The following ANO3 variants were observed in gnomAD, a reference collection of about 807,000 sequenced individuals.
ANO3 encodes anoctamin-3.
Under a neutral mutation model 144.8 loss-of-function variants are expected in ANO3, and 99 were observed. The observed-to-expected ratio is 0.68, with a 90% CI of 0.58 to 0.81. The LOEUF is 0.81. ANO3 is among the 30% of genes least tolerant of loss of function. The probability of loss-of-function intolerance (pLI) is 0.00; values close to 1 mark genes in which losing one functional copy is unlikely to be tolerated. For missense variants in ANO3, 905 were observed against 1,202.2 expected (o/e 0.75, Z 3.66); for synonymous variants, 414 against 392.6 (o/e 1.05, Z -0.64).
chr11:26,358,461 C>T (rs1434682579), intron 1 of ANO3, among the ~76,000 whole-genome samples: 2 of 152,104 alleles, frequency 1.3e-5, no homozygotes, highest in African/African-American at 2.4e-5. Context: ...TAAGCCACCG[C>T]GCCCGGCCAC....
At chr11:26,328,447 A>C (rs767539985), upstream of ANO3, among the ~76,000 whole-genome samples, 1 of 152,182 alleles carries the variant, frequency 6.6e-6, no homozygotes, top group Non-Finnish European at 1.5e-5. Context: ...ATTTTAATTA[A>C]GGCAGTGATT....
chr11:26,567,080 T>C (rs1850618448), intron 14 of ANO3: 5 of 1,502,526 alleles, frequency 3.3e-6, no homozygotes, highest in East Asian at 5.0e-5. Flanking sequence ...CAAGAATAGA[T>C]TGTATTATGC....
intron 1 of ANO3, among the ~76,000 whole-genome samples, chr11:26,289,994 C>G (rs1853918284): frequency 6.6e-6 from 1 of 151,866 alleles, no homozygotes; most frequent in African/African-American, 2.4e-5. Context: ...GGTATCAGCT[C>G]CTGTTTGTAC....
chr11:26,446,091 C>T (rs1264173034), intron 3 of ANO3, among the ~76,000 whole-genome samples: 1 of 152,082 alleles, frequency 6.6e-6, no homozygotes, highest in Non-Finnish European at 1.5e-5. Context: ...CTTGGCCTAC[C>T]AAAGTGCTGG....
At chr11:26,572,857 T>C (rs1850880648) in intron 14 of ANO3, among the ~76,000 whole-genome samples, 1 of 152,138 alleles carries the variant, frequency 6.6e-6, no homozygotes, top group South Asian at 2.1e-4. Context: ...TCCTCACTTA[T>C]CCTAGGAGCC....
intron 14 of ANO3, among the ~76,000 whole-genome samples, chr11:26,567,833 G>A (rs937782343): frequency 6.6e-6 from 1 of 151,908 alleles, no homozygotes; most frequent in African/African-American, 2.4e-5. Context: ...AAATTGACAG[G>A]CTAGAGCTGT....
intron 1 of ANO3, among the ~76,000 whole-genome samples, chr11:26,426,088 A>C (rs1318600558): frequency 6.6e-6 from 1 of 152,182 alleles, no homozygotes; most frequent in African/African-American, 2.4e-5. Flanking sequence ...TATAATACAT[A>C]GTATATAAAA....
At chr11:26,598,468 GA>G in intron 15 of ANO3, 21 bp downstream of exon 15, 1 of 1,510,712 alleles carries the variant, frequency 6.6e-7, no homozygotes, top group Admixed American at 2.0e-5. Context: ...AGGATACAAG[GA>G]AATAGGGAAA....
chr11:26,459,369 G>T (rs1437790046), intron 3 of ANO3, among the ~76,000 whole-genome samples: 1 of 152,050 alleles, frequency 6.6e-6, no homozygotes, highest in African/African-American at 2.4e-5. Flanking sequence ...AGATCATTTT[G>T]GAGAATCGAA....
Position 26,241,597 on chromosome 11 carries a change from A to G in ANO3, c.154+52267A>G, listed in dbSNP as rs149110694. 2.4e-3 allele frequency among the ~76,000 whole-genome samples: 363 copies of G among 152,330 alleles called. 3 individuals carry two copies. The highest frequency in any genetic ancestry group is 8.3e-3 in the African/African-American group (345 of 41,580). ...TTACTGTTTAGTAAGAAAGATATAG[A>G]CTAATAACTTCAGTACAGAATAAAA... On this transcript the variant is annotated intron_variant, in intron 1 of 27. Transcript: ENST00000672621.
At chr11:26,556,643 A>G (rs958849044) in intron 13 of ANO3, among the ~76,000 whole-genome samples, 1 of 152,176 alleles carries the variant, frequency 6.6e-6, no homozygotes, top group Non-Finnish European at 1.5e-5. Flanking sequence ...CAAATTTTTT[A>G]AAAGATACGT....
chr11:26,456,823 C>G, intron 3 of ANO3, among the ~76,000 whole-genome samples: 1 of 131,746 alleles, frequency 7.6e-6, no homozygotes, highest in Non-Finnish European at 1.6e-5. Context: ...TTGGAACCAA[C>G]CCAAATGTCC....
chr11:26,284,591 T>G (rs1853756891), intron 1 of ANO3, among the ~76,000 whole-genome samples: 1 of 152,112 alleles, frequency 6.6e-6, no homozygotes, highest in Admixed American at 6.5e-5. Flanking sequence ...TTTCTTGGAT[T>G]TATTGCTTTA....
At chr11:26,242,188 C>T (rs1852677556) in intron 1 of ANO3, among the ~76,000 whole-genome samples, 1 of 152,152 alleles carries the variant, frequency 6.6e-6, no homozygotes, top group African/African-American at 2.4e-5. Context: ...GCATTTAAAG[C>T]CCAATATTAT....
intron 1 of ANO3, among the ~76,000 whole-genome samples, chr11:26,266,496 C>T (rs1271862507): frequency 6.7e-6 from 1 of 148,618 alleles, no homozygotes; most frequent in East Asian, 2.0e-4. Flanking sequence ...TGCAGTGGCG[C>T]AATCTCGGCT....
At chr11:26,479,683 G>A (rs1045045178) in intron 4 of ANO3, among the ~76,000 whole-genome samples, 2 of 152,112 alleles carry the variant, frequency 1.3e-5, no homozygotes, top group Admixed American at 6.6e-5. Context: ...TGAGATTCAG[G>A]TGGGGACACA....
chr11:26,422,396 A>G (rs1401803531), intron 1 of ANO3, among the ~76,000 whole-genome samples: 1 of 152,052 alleles, frequency 6.6e-6, no homozygotes, highest in Non-Finnish European at 1.5e-5. Flanking sequence ...TGTGAATTAT[A>G]TGAATGCCTT....
At chr11:26,384,980 A>G (rs1284791498) in intron 1 of ANO3, among the ~76,000 whole-genome samples, 1 of 152,094 alleles carries the variant, frequency 6.6e-6, no homozygotes, top group Admixed American at 6.5e-5. Context: ...AAAATCCTCT[A>G]CCCTCTAGTA....
intron 13 of ANO3, among the ~76,000 whole-genome samples, chr11:26,553,762 A>G (rs1850006849): frequency 6.6e-6 from 1 of 152,146 alleles, no homozygotes; most frequent in Non-Finnish European, 1.5e-5. Context: ...GAATTAACTG[A>G]ACGGCTTTTA....
Sources: gnomAD v4.1 joint callset for allele counts (sites outside exome capture counted in the v4.1 genomes callset) on GRCh38, gnomAD v4.1.1 for gene constraint, MANE v1.5 for transcripts, NCBI Gene and HGNC (gene_info 2026-07-23, HGNC 2026-07-21) for gene names.